Variants in BTBD9 observed in about 807,000 individuals in gnomAD.
BTBD9 encodes the protein BTB/POZ domain-containing protein 9.
Under a neutral mutation model 64.3 loss-of-function variants are expected in BTBD9, and 49 were observed. The ratio of observed to expected loss-of-function variants is 0.76; its 90% confidence interval spans 0.61 to 0.97. The LOEUF is 0.97. Ranked by LOEUF, BTBD9 falls within the 50% of genes least tolerant of loss-of-function variation. The pLI is 0.00. For synonymous variants in BTBD9, 260 were observed against 274.7 expected, an observed-to-expected ratio of 0.95 and a Z score of 0.53; for missense variants, 598 against 762.1, an observed-to-expected ratio of 0.78 and a Z score of 2.53.
intron 9 of BTBD9, among the ~76,000 whole-genome samples, chr6:38,251,095 A>AC (rs1764382531): frequency 6.8e-6 from 1 of 148,120 alleles, no homozygotes; most frequent in African/African-American, 2.5e-5. Flanking sequence ...AAAAAAAAAA[A>AC]TAATAATAAT....
intron 6 of BTBD9, among the ~76,000 whole-genome samples, chr6:38,507,828 A>ATTTT (rs34808509): frequency 1.5e-4 from 19 of 125,394 alleles, no homozygotes; most frequent in South Asian, 2.6e-4. Flanking sequence ...TGTCTCCCAA[A>ATTTT]TTTTTTTTTT....
rs1347440846 is a variant in BTBD9, at chr6:38,632,532, AT to A, written c.-28+7267del. ...ATTGTTTGGGGTGAAGTTTTAAGGG[AT>A]TTTTTAAAAGAGTTGACTTTACTAA... On this transcript the variant is annotated intron_variant, in intron 1 of 10. Coordinates refer to ENST00000481247, the MANE Select transcript of BTBD9 (RefSeq NM_001099272.2). Among the ~76,000 whole-genome samples the A allele has an allele frequency of 1.1e-4, 17 of 152,312 alleles. No individual in the cohort carries two copies. The South Asian group carries it at 3.3e-3, about 30-fold the overall frequency.
rs180779852 is a variant in BTBD9 at position 38,214,373 on chromosome 6, C to T, written c.1563-21776G>A. On this transcript the variant is annotated intron_variant, in intron 9 of 10. Coordinates refer to ENST00000481247, the MANE Select transcript of BTBD9 (RefSeq NM_001099272.2). ...AGCAAGGACTGACCTAGCCCGCTGG[C>T]TCCCTGTGAGTTCACAAAGAAGGTG... Among the ~76,000 whole-genome samples, 132 of 152,382 alleles carry T rather than the reference C, an allele frequency of 8.7e-4. 1 individual carries two copies. Among genetic ancestry groups the T allele is most frequent in the Admixed American group, 3.9e-4 (6 of 15,310 alleles).
At chr6:38,454,507 A>T (rs958734028) in intron 6 of BTBD9, among the ~76,000 whole-genome samples, 1 of 149,486 alleles carries the variant, frequency 6.7e-6, no homozygotes, top group Non-Finnish European at 1.5e-5. Context: ...TAAATATAAT[A>T]TAATTAAATA....
At chr6:38,354,365 A>G (rs1046998540) in intron 6 of BTBD9, among the ~76,000 whole-genome samples, 4 of 152,150 alleles carry the variant, frequency 2.6e-5, no homozygotes, top group Non-Finnish European at 5.9e-5. Context: ...GTACACTCAT[A>G]CAACCAGTTG....
intron 6 of BTBD9, among the ~76,000 whole-genome samples, chr6:38,347,199 C>T (rs1035836363): frequency 2.6e-5 from 4 of 152,238 alleles, no homozygotes; most frequent in South Asian, 4.1e-4. Flanking sequence ...TCCTTTGCCC[C>T]GCAGTTATAA....
intron 9 of BTBD9, among the ~76,000 whole-genome samples, chr6:38,243,033 C>A (rs1764058889): frequency 6.6e-6 from 1 of 151,386 alleles, no homozygotes; most frequent in African/African-American, 2.5e-5. Flanking sequence ...GAGCATTTGG[C>A]TGGGTCTTGA....
At chr6:38,360,423 T>C (rs1205164911) in intron 6 of BTBD9, among the ~76,000 whole-genome samples, 1 of 152,098 alleles carries the variant, frequency 6.6e-6, no homozygotes, top group Non-Finnish European at 1.5e-5. Context: ...TATGAAAAAA[T>C]ATATGAACAA....
intron 1 of BTBD9, among the ~76,000 whole-genome samples, chr6:38,613,684 G>A (rs1003088671): frequency 2.6e-5 from 4 of 152,040 alleles, no homozygotes; most frequent in Non-Finnish European, 4.4e-5. Flanking sequence ...ACAGCATTTT[G>A]TGTATTTCCT....
chr6:38,522,718 G>C (rs1475636017), intron 6 of BTBD9, among the ~76,000 whole-genome samples: 1 of 152,108 alleles, frequency 6.6e-6, no homozygotes, highest in South Asian at 2.1e-4. Flanking sequence ...TTGAGTTTCA[G>C]CCATCCATTT....
intron 9 of BTBD9, among the ~76,000 whole-genome samples, chr6:38,209,445 C>T (rs1246926659): frequency 2.0e-5 from 3 of 152,180 alleles, no homozygotes; most frequent in Non-Finnish European, 4.4e-5. Flanking sequence ...GAACTAACTA[C>T]AGTCCTCACT....
chr6:38,197,307 GATAGAGTCAGCA>G (rs1762300420), intron 9 of BTBD9, among the ~76,000 whole-genome samples: 1 of 152,208 alleles, frequency 6.6e-6, no homozygotes, highest in South Asian at 2.1e-4. Context: ...GAGCTGTCAG[GATAGAGTCAGCA>G]ATAGAAGCCA....
chr6:38,557,126 T>A (rs960358286), intron 6 of BTBD9, among the ~76,000 whole-genome samples: 2 of 136,794 alleles, frequency 1.5e-5, no homozygotes, highest in African/African-American at 5.5e-5. Context: ...GGTGGGCAGA[T>A]CATGAGATTG....
chr6:38,232,945 C>A (rs543901329), intron 9 of BTBD9, among the ~76,000 whole-genome samples: 1 of 152,292 alleles, frequency 6.6e-6, no homozygotes, highest in South Asian at 2.1e-4. Flanking sequence ...CCATCCCTTT[C>A]CAGAATCCAC....
intron 6 of BTBD9, 140 bp from the exon 7 acceptor site, chr6:38,345,233 A>ACTCT (rs1764234110): frequency 2.0e-6 from 1 of 504,964 alleles, no homozygotes; most frequent in African/African-American, 1.9e-5. Context: ...TTGACTTCAG[A>ACTCT]CTCTATATCT....
chr6:38,318,769 G>C (rs1763122365), intron 7 of BTBD9, among the ~76,000 whole-genome samples: 1 of 152,148 alleles, frequency 6.6e-6, no homozygotes, highest in African/African-American at 2.4e-5. Context: ...CCACTACCTA[G>C]CTACCACCTA....
chr6:38,526,000 T>C (rs1773468465), intron 6 of BTBD9, among the ~76,000 whole-genome samples: 1 of 152,224 alleles, frequency 6.6e-6, no homozygotes, highest in Non-Finnish European at 1.5e-5. Context: ...CTGCAGAAAT[T>C]TGCATAAGTA....
At chr6:38,370,394 AG>A (rs1765369395) in intron 6 of BTBD9, among the ~76,000 whole-genome samples, 1 of 152,232 alleles carries the variant, frequency 6.6e-6, no homozygotes, top group Non-Finnish European at 1.5e-5. Context: ...TTGGGCTTTA[AG>A]GCTTATGAAT....
chr6:38,620,742 G>A (rs941274114), intron 1 of BTBD9, among the ~76,000 whole-genome samples: 8 of 151,966 alleles, frequency 5.3e-5, no homozygotes, highest in East Asian at 1.9e-4. Flanking sequence ...GCTTGTCCTC[G>A]CCCTAAGACA....
Sources: gnomAD v4.1 joint callset for allele counts (sites outside exome capture counted in the v4.1 genomes callset) on GRCh38, gnomAD v4.1.1 for gene constraint, MANE v1.5 for transcripts, NCBI Gene and HGNC (gene_info 2026-07-23, HGNC 2026-07-21) for gene names.